Variants in ANGPT1 observed in about 807,000 individuals in gnomAD.
ANGPT1 encodes the protein angiopoietin-1.
In ANGPT1, 17 loss-of-function variants were observed where a neutral mutation model predicts 62.2. That is an observed-to-expected ratio of 0.27 (90% CI 0.19 to 0.41). The LOEUF (loss-of-function observed/expected upper bound fraction) is 0.41, where lower values mean the gene tolerates loss of function less well. Among genes scored for constraint, ANGPT1 ranks in the 10% least tolerant of loss-of-function variants. ANGPT1 has a pLI of 1.00. For synonymous variants in ANGPT1, 199 were observed against 198.9 expected (o/e 1.00, Z 0.00); for missense variants, 478 against 594.9 (o/e 0.80, Z 2.04).
At chr8:107,339,422 A>G (rs536975213) in intron 2 of ANGPT1, among the ~76,000 whole-genome samples, 27 of 152,174 alleles carry the variant, frequency 1.8e-4, no homozygotes, top group African/African-American at 6.3e-4. Flanking sequence ...ATTCATTCCA[A>G]TCTTGGAAGA....
At chr8:107,392,607 T>C (rs2130306842) in intron 1 of ANGPT1, among the ~76,000 whole-genome samples, 2 of 152,312 alleles carry the variant, frequency 1.3e-5, no homozygotes, top group East Asian at 3.9e-4. Flanking sequence ...ACTTTGTTTA[T>C]GTCATTTTTG....
At chr8:107,257,915 CTGTT>C (rs1813404530) in intron 8 of ANGPT1, among the ~76,000 whole-genome samples, 1 of 51,522 alleles carries the variant, frequency 1.9e-5, no homozygotes, top group Non-Finnish European at 4.4e-5. Flanking sequence ...TTGTTTTTGA[CTGTT>C]CTTTCTTTCT....
intron 7 of ANGPT1, among the ~76,000 whole-genome samples, chr8:107,275,925 T>C (rs1272452720): frequency 2.0e-5 from 3 of 152,122 alleles, no homozygotes; most frequent in Non-Finnish European, 2.9e-5. Context: ...TGGGAATCCT[T>C]AGACCTAACA....
chr8:107,462,398 CAA>C (rs1238185117), intron 1 of ANGPT1, among the ~76,000 whole-genome samples: 10 of 124,780 alleles, frequency 8.0e-5, no homozygotes, highest in Non-Finnish European at 5.2e-5. Flanking sequence ...TTCAGCCATG[CAA>C]AAAAAAAAAA....
intron 1 of ANGPT1, among the ~76,000 whole-genome samples, chr8:107,423,994 C>G (rs576639800): frequency 1.3e-5 from 2 of 151,578 alleles, no homozygotes; most frequent in South Asian, 4.2e-4. Flanking sequence ...GTGTGCACCA[C>G]CACATCGGGC....
chr8:107,264,073 G>A (rs1223135465), intron 8 of ANGPT1, 148 bp downstream of exon 8: 2 of 925,686 alleles, frequency 2.2e-6, no homozygotes, highest in African/African-American at 1.7e-5. Flanking sequence ...CAAGAACGCA[G>A]GGTAAATTCG....
intron 1 of ANGPT1, among the ~76,000 whole-genome samples, chr8:107,396,820 G>A (rs1177980697): frequency 6.6e-6 from 1 of 151,918 alleles, no homozygotes; most frequent in African/African-American, 2.4e-5. Flanking sequence ...ACTGCACCCG[G>A]CCCTTCTTTT....
At chr8:107,317,021 A>G (rs1815029989) in intron 4 of ANGPT1, among the ~76,000 whole-genome samples, 1 of 152,220 alleles carries the variant, frequency 6.6e-6, no homozygotes, top group South Asian at 2.1e-4. Context: ...GAATCATAAT[A>G]AGGATTCAGT....
rs545723789 is a variant in ANGPT1, at chr8:107,360,676, T to C, written c.298-13579A>G. Among the ~76,000 whole-genome samples the C allele has an allele frequency of 5.9e-5, 9 of 152,296 alleles. No homozygotes were observed. In the East Asian group the frequency reaches 1.5e-3, roughly 26 times the overall value. ...TGGCCCTTTTAGCTATTAAGGTCAG[T>C]TGCCCAGATCCTAATGGCATTTGAG... On this transcript the variant is annotated intron_variant, in intron 1 of 8. Transcript: ENST00000517746.
At chr8:107,423,275 G>A (rs780842752) in intron 1 of ANGPT1, among the ~76,000 whole-genome samples, 5 of 152,156 alleles carry the variant, frequency 3.3e-5, no homozygotes, top group East Asian at 1.9e-4. Flanking sequence ...GAGATAAAGC[G>A]TCAATAATGA....
chr8:107,347,057 G>A lies in ANGPT1; in HGVS notation c.338C>T (p.Ala113Val), dbSNP rs1320499046. 6.2e-7 allele frequency: 1 copy of A among 1,613,630 alleles called. No individual in the cohort carries two copies. Among genetic ancestry groups the A allele is most frequent in the Non-Finnish European group, 8.5e-7 (1 of 1,179,744 alleles). Reference sequence around the variant, plus strand: ...CTGAACTGCATTCTGCTGTATCTGGGCCATCTCCGACTTCATGTTTTCCAC... The same window carrying A: ...CTGAACTGCATTCTGCTGTATCTGGACCATCTCCGACTTCATGTTTTCCAC... Reference protein sequence around the residue: ...YIVENMKSEMAQIQQNAVQNH... With the variant: ...YIVENMKSEMVQIQQNAVQNH... Residue 113 changes from alanine to valine, a missense_variant, in exon 2 of 9, where the codon GCC becomes GTC. By Grantham distance (64) the Ala-to-Val change is moderately conservative. Coordinates refer to ENST00000517746, the MANE Select transcript of ANGPT1 (RefSeq NM_001146.5).
intron 3 of ANGPT1, among the ~76,000 whole-genome samples, chr8:107,325,813 C>T (rs544876103): frequency 2.4e-4 from 36 of 151,894 alleles, no homozygotes; most frequent in African/African-American, 7.7e-4. Context: ...CTTGTTCAAG[C>T]GGACATATGC....
chr8:107,266,920 A>G (rs1813627156), intron 7 of ANGPT1, among the ~76,000 whole-genome samples: 1 of 152,174 alleles, frequency 6.6e-6, no homozygotes. Context: ...GCATGATTAT[A>G]AATTTGAGAA....
At chr8:107,253,934 GA>G (rs1273097653) in intron 8 of ANGPT1, among the ~76,000 whole-genome samples, 1 of 152,184 alleles carries the variant, frequency 6.6e-6, no homozygotes, top group Non-Finnish European at 1.5e-5. Context: ...GACATTGAAG[GA>G]AGGCCAGTAT....
intron 4 of ANGPT1, among the ~76,000 whole-genome samples, chr8:107,319,124 A>G (rs1815092148): frequency 6.6e-6 from 1 of 152,152 alleles, no homozygotes; most frequent in Non-Finnish European, 1.5e-5. Context: ...TAATGAATCA[A>G]CTGTGTCTTC....
chr8:107,359,754 T>C (rs1216060140), intron 1 of ANGPT1, among the ~76,000 whole-genome samples: 1 of 152,142 alleles, frequency 6.6e-6, no homozygotes, highest in African/African-American at 2.4e-5. Flanking sequence ...CAGACACAAA[T>C]TTGTATGCAT....
At chr8:107,299,747 ATC>A (rs1307700429) in intron 5 of ANGPT1, among the ~76,000 whole-genome samples, 1,285 of 121,724 alleles carry the variant, frequency 0.011, 21 homozygotes, top group African/African-American at 0.03. Context: ...TATACTATAT[ATC>A]TAGATATGTA....
intron 2 of ANGPT1, among the ~76,000 whole-genome samples, chr8:107,337,914 G>A (rs1815604265): frequency 6.6e-6 from 1 of 151,938 alleles, no homozygotes; most frequent in Non-Finnish European, 1.5e-5. Context: ...GGGTAACACG[G>A]CAAAACCCCA....
chr8:107,365,856 A>AACACAC (rs10627552), intron 1 of ANGPT1, among the ~76,000 whole-genome samples: 21,034 of 147,036 alleles, frequency 0.14, 1,591 homozygotes, highest in East Asian at 0.31. Context: ...AAACAAATAC[A>AACACAC]ACACACACAC....
Sources: allele counts gnomAD v4.1 joint callset (sites outside exome capture counted in the v4.1 genomes callset), GRCh38; gene constraint gnomAD v4.1.1; transcripts MANE v1.5; gene names NCBI Gene and HGNC (gene_info 2026-07-23, HGNC 2026-07-21).